Variants in RRAS observed in about 807,000 individuals in gnomAD.
RRAS encodes ras-related protein R-Ras.
A neutral mutation model predicts 23.3 loss-of-function variants in RRAS; 18 were observed. The ratio of observed to expected loss-of-function variants is 0.77; its 90% CI spans 0.53 to 1.15. The LOEUF (loss-of-function observed/expected upper bound fraction) is 1.15, where lower values mean the gene tolerates loss of function less well. Among genes scored for constraint, RRAS ranks in the 50% most tolerant of loss-of-function variants. The pLI is 0.00. For missense variants in RRAS, 291 were observed against 317.1 expected (o/e 0.92, Z 0.62); for synonymous variants, 133 against 138.3 (o/e 0.96, Z 0.27).
At position 49,636,529 on chromosome 19, in the gene RRAS, G is replaced by A. The variant is rs2080996819; in HGVS notation, c.453+90C>T. On this transcript the variant is annotated intron_variant, in intron 4 of 5. Coordinates refer to ENST00000246792, the MANE Select transcript of RRAS (RefSeq NM_006270.5). This position sits in a 1 kb window ranked among gnomAD's most constrained non-coding sequence, Gnocchi z 4.5. ...GACAGTGGCAGTCGCAGCACTGCAG[G>A]AACAGAGGAGGATGCTGATGGGGGA... 1.0e-6 allele frequency: 1 copy of A among 952,500 alleles called. No individual in the cohort carries two copies. The highest frequency in any genetic ancestry group is 1.7e-6 in the Non-Finnish European group (1 of 584,040). 59.0% of individuals were successfully genotyped at this position (952,500 alleles called of 1,614,324 possible). A position where few individuals can be genotyped will look rare whatever the true frequency, so the allele number is the denominator to read the frequency against.
Position 49,636,952 on chromosome 19 carries a change from C to A in RRAS, c.242-26G>T, listed in dbSNP as rs1368463. ...CTGCAGAGACAGGGAGAGGGGCCAT[C>A]GTGGGGACCAGGCTCCCCGCAGTCA... On this transcript the variant is annotated intron_variant, in intron 2 of 5. Transcript: ENST00000246792. The surrounding 1 kb of genome is among the most constrained non-coding windows in gnomAD (Gnocchi z 4.5). 51 of 1,610,422 alleles carry A rather than the reference C, an allele frequency of 3.2e-5. No individual in the cohort carries two copies. Among genetic ancestry groups the A allele is most frequent in the Non-Finnish European group, 4.2e-5 (50 of 1,177,872 alleles).
chr19:49,639,669 G>T (rs1358589660), intron 1 of RRAS, among the ~76,000 whole-genome samples: 2 of 151,924 alleles, frequency 1.3e-5, no homozygotes, highest in East Asian at 3.9e-4. Flanking sequence ...ATGCTCCCAG[G>T]AGGTGCTCAA....
chr19:49,637,101 A>G lies in RRAS; in HGVS notation c.183T>C (p.Thr61=). The part of the protein sequence containing the change: ...QSYFVSDYDP[T]IEDSYTKICS... Reference sequence around the variant, plus strand: ...AGATCTTCGTGTAGGAGTCCTCAATAGTGGGGTCGTAGTCAGACACGAAGT... The same window carrying G: ...AGATCTTCGTGTAGGAGTCCTCAATGGTGGGGTCGTAGTCAGACACGAAGT... The change falls in exon 2 of 6, where the codon ACT becomes ACC. Residue 61 remains threonine, a synonymous_variant. Coordinates refer to ENST00000246792, the MANE Select transcript of RRAS (RefSeq NM_006270.5). 1 of 1,613,300 alleles carries G rather than the reference A, an allele frequency of 6.2e-7. No homozygotes were observed. The highest frequency in any genetic ancestry group is 8.5e-7 in the Non-Finnish European group (1 of 1,179,920).
Position 49,635,858 on chromosome 19 carries a change from G to A in RRAS, c.454-6C>T, listed in dbSNP as rs1568436933. ...GAGGCTTCTGATCGGGGGACCTGGG[G>A]GTAGGGGGGACACGGGGGAGTCAGG... On this transcript the variant is annotated splice_polypyrimidine_tract_variant and splice_region_variant and intron_variant, in intron 4 of 5. Transcript: ENST00000246792. The A allele has an allele frequency of 1.4e-6, 2 of 1,455,358 alleles. No individual in the cohort carries two copies. The highest frequency in any genetic ancestry group is 1.9e-6 in the Non-Finnish European group (2 of 1,049,024). The allele number at this position is 1,455,358 out of a possible 1,614,324, so 90.2% of individuals were successfully genotyped here.
At position 49,635,295 on chromosome 19, in the gene RRAS, C is replaced by T. The variant is rs1318248780; in HGVS notation, c.*281G>A. On this transcript the variant is annotated 3_prime_UTR_variant, in exon 6 of 6. Coordinates refer to ENST00000246792, the MANE Select transcript of RRAS (RefSeq NM_006270.5). ...TACCTTTTTAGAAAGCACCTCCTGACGTTGGCAGTGACATTTATTTTTCTG... is the reference window on the plus strand; with the variant it reads ...TACCTTTTTAGAAAGCACCTCCTGATGTTGGCAGTGACATTTATTTTTCTG... 5.5e-5 allele frequency: 15 copies of T among 271,668 alleles called. No homozygotes were observed. The highest frequency in any genetic ancestry group is 5.4e-5 in the Admixed American group (1 of 18,602). The allele number at this position is 271,668 out of a possible 1,614,324, so 16.8% of individuals were successfully genotyped here.
rs1316671612 is a variant in RRAS at position 49,635,863 on chromosome 19, G to C, written c.454-11C>G. On this transcript the variant is annotated splice_polypyrimidine_tract_variant and intron_variant, in intron 4 of 5. Transcript: ENST00000246792. The stretch of plus-strand genomic sequence containing the variant: ...TTCTGATCGGGGGACCTGGGGGTAG[G>C]GGGGACACGGGGGAGTCAGGTCCCT... The C allele has an allele frequency of 1.7e-5, 19 of 1,110,762 alleles. No individual in the cohort carries two copies. The highest frequency in any genetic ancestry group is 2.4e-5 in the Non-Finnish European group (18 of 750,536). 68.8% of individuals were successfully genotyped at this position (1,110,762 alleles called of 1,614,324 possible).
Position 49,635,855 on chromosome 19 carries a change from GGGGGTAGGGGGGACAC to G in RRAS, c.454-19_454-4del. The stretch of plus-strand genomic sequence containing the variant: ...GCAGAGGCTTCTGATCGGGGGACCT[GGGGGTAGGGGGGACAC>G]GGGGGAGTCAGGTCCCTGCACTCAG... On this transcript the variant is annotated splice_polypyrimidine_tract_variant and splice_region_variant and intron_variant, in intron 4 of 5. Coordinates refer to ENST00000246792, the MANE Select transcript of RRAS (RefSeq NM_006270.5). 2.8e-6 allele frequency: 4 copies of G among 1,448,710 alleles called. No homozygotes were observed. The highest frequency in any genetic ancestry group is 2.9e-6 in the Non-Finnish European group (3 of 1,043,614). 89.7% of individuals were successfully genotyped at this position (1,448,710 alleles called of 1,614,324 possible).
In RRAS at chr19:49,636,787, AC is replaced by A; in HGVS notation, c.344+36del. ...GCTGCAGAGCCCAGGTCCTCCCCACACCCACCCACTGCTCCGCCACCAGCAA... is the reference window on the plus strand; with the variant it reads ...GCTGCAGAGCCCAGGTCCTCCCCACACCACCCACTGCTCCGCCACCAGCAA... On this transcript the variant is annotated intron_variant, in intron 3 of 5. Transcript: ENST00000246792. This position sits in a 1 kb window ranked among gnomAD's most constrained non-coding sequence, Gnocchi z 4.5. 3.7e-6 allele frequency: 6 copies of A among 1,608,004 alleles called. No individual in the cohort carries two copies. The highest frequency in any genetic ancestry group is 3.4e-6 in the Non-Finnish European group (4 of 1,175,558).
chr19:49,636,776 G>T lies in RRAS; in HGVS notation c.344+48C>A. 6.2e-7 allele frequency: 1 copy of T among 1,608,514 alleles called. No individual in the cohort carries two copies. ...AGGTCCAGCCAGCTGCAGAGCCCAGGTCCTCCCCACACCCACCCACTGCTC... is the reference window on the plus strand; with the variant it reads ...AGGTCCAGCCAGCTGCAGAGCCCAGTTCCTCCCCACACCCACCCACTGCTC... On this transcript the variant is annotated intron_variant, in intron 3 of 5. Transcript: ENST00000246792. The surrounding 1 kb of genome is among the most constrained non-coding windows in gnomAD (Gnocchi z 4.5).
chr19:49,635,871 CG>C lies in RRAS; in HGVS notation c.454-20del. On this transcript the variant is annotated intron_variant, in intron 4 of 5. Transcript: ENST00000246792. Reference sequence around the variant, plus strand: ...GGGGGACCTGGGGGTAGGGGGGACACGGGGGAGTCAGGTCCCTGCACTCAGG... The same window carrying C: ...GGGGGACCTGGGGGTAGGGGGGACACGGGGAGTCAGGTCCCTGCACTCAGG... The C allele has an allele frequency of 9.3e-6, 4 of 431,724 alleles. No homozygotes were observed. Among genetic ancestry groups the C allele is most frequent in the Non-Finnish European group, 1.4e-5 (3 of 220,834 alleles). 26.7% of individuals were successfully genotyped at this position (431,724 alleles called of 1,614,324 possible). A position where few individuals can be genotyped will look rare whatever the true frequency, so the allele number is the denominator to read the frequency against.
chr19:49,636,611 T>C lies in RRAS; in HGVS notation c.453+8A>G. The C allele has an allele frequency of 2.5e-6, 4 of 1,607,228 alleles. No homozygotes were observed. In the African/African-American group the frequency reaches 4.0e-5, roughly 16 times the overall value. ...GATGGGGTCCCCAGAAAGAGGGGTG[T>C]CCCGAACCTGGCGCTGTGACTCCAG... On this transcript the variant is annotated splice_region_variant and intron_variant, in intron 4 of 5. Transcript: ENST00000246792. The surrounding 1 kb of genome is among the most constrained non-coding windows in gnomAD (Gnocchi z 4.5).
intron 1 of RRAS, among the ~76,000 whole-genome samples, chr19:49,638,021 G>A (rs937208793): frequency 6.6e-6 from 1 of 152,106 alleles, no homozygotes; most frequent in Admixed American, 6.6e-5. Flanking sequence ...TATCGGAGGC[G>A]TTGTTGTCCA....
chr19:49,635,542 A>C lies in RRAS; in HGVS notation c.*34T>G. ...CAAGGTGCGAAGGCAGCTAGTCCCG[A>C]GAGCTTGTGGTGGTTGCTTCTCTCT... On this transcript the variant is annotated 3_prime_UTR_variant, in exon 6 of 6. Transcript: ENST00000246792. 5.9e-6 allele frequency: 8 copies of C among 1,346,346 alleles called. No homozygotes were observed. The highest frequency in any genetic ancestry group is 7.9e-6 in the Non-Finnish European group (8 of 1,017,966). The allele number at this position is 1,346,346 out of a possible 1,614,324, so 83.4% of individuals were successfully genotyped here. A position where few individuals can be genotyped will look rare whatever the true frequency, so the allele number is the denominator to read the frequency against.
chr19:49,637,279 T>G, intron 1 of RRAS, 149 bp from the exon 2 acceptor site: 2 of 550,042 alleles, frequency 3.6e-6, no homozygotes, highest in East Asian at 3.4e-5. Flanking sequence ...TCTGGGTCTC[T>G]GTCCCGTCTG....
In RRAS at chr19:49,635,503, C is replaced by T. The variant is rs1299034037; in HGVS notation, c.*73G>A. The T allele has an allele frequency of 1.0e-6, 1 of 957,382 alleles. No individual in the cohort carries two copies. Among genetic ancestry groups the T allele is most frequent in the African/African-American group, 1.7e-5 (1 of 59,830 alleles). 59.3% of individuals were successfully genotyped at this position (957,382 alleles called of 1,614,324 possible). A position where few individuals can be genotyped will look rare whatever the true frequency, so the allele number is the denominator to read the frequency against. On this transcript the variant is annotated 3_prime_UTR_variant, in exon 6 of 6. Transcript: ENST00000246792. ...GAGGAAATTGAGGCTCAGTGAGGGC[C>T]TCAGGTCACACAGCAAGGTGCGAAG...
At position 49,635,871 on chromosome 19, in the gene RRAS, C is replaced by A; in HGVS notation, c.454-19G>T. The stretch of plus-strand genomic sequence containing the variant: ...GGGGGACCTGGGGGTAGGGGGGACA[C>A]GGGGGAGTCAGGTCCCTGCACTCAG... On this transcript the variant is annotated intron_variant, in intron 4 of 5. Transcript: ENST00000246792. 3 of 431,750 alleles carry A rather than the reference C, an allele frequency of 6.9e-6. No homozygotes were observed. Among genetic ancestry groups the A allele is most frequent in the Admixed American group, 6.5e-5 (2 of 30,542 alleles). 26.7% of individuals were successfully genotyped at this position (431,750 alleles called of 1,614,324 possible).
chr19:49,636,985 GA>G lies in RRAS; in HGVS notation c.241+57del. 1 of 1,606,740 alleles carries G rather than the reference GA, an allele frequency of 6.2e-7. No homozygotes were observed. Among genetic ancestry groups the G allele is most frequent in the Non-Finnish European group, 8.5e-7 (1 of 1,174,262 alleles). On this transcript the variant is annotated intron_variant, in intron 2 of 5. Coordinates refer to ENST00000246792, the MANE Select transcript of RRAS (RefSeq NM_006270.5). The surrounding 1 kb of genome is among the most constrained non-coding windows in gnomAD (Gnocchi z 4.5). The stretch of plus-strand genomic sequence containing the variant: ...CCAGGCTCCCCGCAGTCACCCCCAA[GA>G]GCCCTCAGCCCCCACTGACACCACC...
Position 49,635,775 on chromosome 19 carries a change from G to A in RRAS, c.531C>T (p.Leu177=), listed in dbSNP as rs1345868658. ...AYFEASAKLR[L]NVDEAFEQLV... The stretch of plus-strand genomic sequence containing the variant: ...GCTGCTCAAAAGCCTCGTCCACGTT[G>A]AGACGCAGTTTGGCCGAGGCCTCAA... The change falls in exon 5 of 6, where the codon CTC becomes CTT. Residue 177 remains leucine (L), a synonymous_variant. Coordinates refer to ENST00000246792, the MANE Select transcript of RRAS (RefSeq NM_006270.5). The A allele has an allele frequency of 1.3e-6, 2 of 1,598,446 alleles. No homozygotes were observed. The highest frequency in any genetic ancestry group is 1.3e-5 in the African/African-American group (1 of 74,594).
In RRAS at chr19:49,636,759, C is replaced by A; in HGVS notation, c.345-32G>T. The A allele has an allele frequency of 6.2e-7, 1 of 1,610,178 alleles. No homozygotes were observed. ...GTGAAGCCGGAGGCATGAGGTCCAG[C>A]CAGCTGCAGAGCCCAGGTCCTCCCC... On this transcript the variant is annotated intron_variant, in intron 3 of 5. Transcript: ENST00000246792. This position sits in a 1 kb window ranked among gnomAD's most constrained non-coding sequence, Gnocchi z 4.5.
Sources: gnomAD v4.1 joint callset for allele counts (sites outside exome capture counted in the v4.1 genomes callset) on GRCh38, gnomAD v4.1.1 for gene constraint, Gnocchi (gnomAD v3.1) non-coding constraint, MANE v1.5 for transcripts, NCBI Gene and HGNC (gene_info 2026-07-23, HGNC 2026-07-21) for gene names.